Variants in MOV10L1 observed in about 807,000 individuals in gnomAD.
MOV10L1 encodes the protein Mov10 like RNA helicase 1.
Under a neutral mutation model 143.8 loss-of-function variants are expected in MOV10L1, and 110 were observed. The ratio of observed to expected loss-of-function variants is 0.76; its 90% CI spans 0.66 to 0.90. MOV10L1 has a LOEUF of 0.90. Ranked by LOEUF, MOV10L1 falls within the 40% of genes least tolerant of loss-of-function variation. The probability of loss-of-function intolerance (pLI) is 0.00; values close to 1 mark genes in which losing one functional copy is unlikely to be tolerated. For missense variants in MOV10L1, 1,406 were observed against 1,526.8 expected, an observed-to-expected ratio of 0.92 and a Z score of 1.32; for synonymous variants, 593 against 581.1, an observed-to-expected ratio of 1.02 and a Z score of -0.29.
At position 50,108,240 on chromosome 22, in the gene MOV10L1, G is replaced by T; in HGVS notation, c.547G>T (p.Val183Leu). 3 of 1,613,164 alleles carry T rather than the reference G, an allele frequency of 1.9e-6. No homozygotes were observed. Among genetic ancestry groups the T allele is most frequent in the Non-Finnish European group, 2.5e-6 (3 of 1,179,642 alleles). The change falls in exon 4 of 27, where the codon GTG (valine) becomes TTG (leucine). Residue 183 changes from valine (V) to leucine (L), a missense_variant. Physicochemically the swap from Val to Leu is conservative, Grantham distance 32. Coordinates refer to ENST00000262794, the MANE Select transcript of MOV10L1 (RefSeq NM_018995.3). Reference protein sequence around the residue: ...TSVKPLRYKRVDKVCISSLCG... With the variant: ...TSVKPLRYKRLDKVCISSLCG... ...AGTGAAGCCACTGAGATACAAGCGC[G>T]TGGACAAGGTAGCGTGCCGACTAGT...
chr22:50,104,064 G>A (rs531640389), intron 3 of MOV10L1, among the ~76,000 whole-genome samples: 4 of 152,212 alleles, frequency 2.6e-5, no homozygotes, highest in Admixed American at 6.5e-5. Context: ...GTGACAGATC[G>A]TCAGGCATTA....
At chr22:50,140,651 A>G (rs973914532) in intron 15 of MOV10L1, among the ~76,000 whole-genome samples, 2 of 152,342 alleles carry the variant, frequency 1.3e-5, no homozygotes, top group Non-Finnish European at 1.5e-5. Flanking sequence ...TAGGCTGTAT[A>G]TAGTCCATGG....
chr22:50,147,038 TTGA>T lies in MOV10L1; in HGVS notation c.2627+1232_2627+1234del, dbSNP rs140006487. 2,014 of 1,551,052 alleles carry T rather than the reference TTGA, an allele frequency of 1.3e-3. 25 individuals carry two copies. In the African/African-American group the frequency reaches 0.024, roughly 19 times the overall value. ...CAGGGATTTTTTTTGTTAATGTGTG[TTGA>T]TGAGTCAAAGGTCAAGAGCCGAAGA... On this transcript the variant is annotated intron_variant, in intron 19 of 26. Coordinates refer to ENST00000262794, the MANE Select transcript of MOV10L1 (RefSeq NM_018995.3).
At chr22:50,106,574 G>A (rs1343807169) in intron 3 of MOV10L1, among the ~76,000 whole-genome samples, 1 of 151,792 alleles carries the variant, frequency 6.6e-6, no homozygotes, top group African/African-American at 2.4e-5. Context: ...TATGTCCAGG[G>A]AAATTGAGAA....
chr22:50,092,438 C>A (rs1321828852), intron 2 of MOV10L1, among the ~76,000 whole-genome samples: 2 of 152,090 alleles, frequency 1.3e-5, no homozygotes, highest in African/African-American at 4.8e-5. Flanking sequence ...AAGAGACCAG[C>A]CTGGGCAGCA....
chr22:50,153,930 C>T (rs865789313), intron 22 of MOV10L1, among the ~76,000 whole-genome samples: 3 of 152,230 alleles, frequency 2.0e-5, no homozygotes, highest in African/African-American at 4.8e-5. Context: ...TTCCATGCCA[C>T]GGGCCCCGGA....
At chr22:50,093,360 A>T (rs576249783) in intron 2 of MOV10L1, 2 of 152,166 alleles carry the variant, frequency 1.3e-5, no homozygotes, top group East Asian at 3.9e-4. Context: ...ATCATCTTTG[A>T]CTGTGTTTTA....
Position 50,114,485 on chromosome 22 carries a change from C to T in MOV10L1, c.989C>T (p.Pro330Leu), listed in dbSNP as rs1481848979. Residue 330 changes from proline to leucine, a missense_variant, in exon 7 of 27, where the codon CCC becomes CTC. Physicochemically the swap from Pro to Leu is moderately conservative, Grantham distance 98. Coordinates refer to ENST00000262794, the MANE Select transcript of MOV10L1 (RefSeq NM_018995.3). Reference protein sequence around the residue: ...FQMLDKDQMCPVVSFVSVPEK... With the variant: ...FQMLDKDQMCLVVSFVSVPEK... Reference sequence around the variant, plus strand: ...ATGCTGGATAAAGACCAGATGTGCCCCGTGGTATCTTTTGTTTCTGTTCCT... The same window carrying T: ...ATGCTGGATAAAGACCAGATGTGCCTCGTGGTATCTTTTGTTTCTGTTCCT... 1 of 1,614,134 alleles carries T rather than the reference C, an allele frequency of 6.2e-7. No homozygotes were observed. Among genetic ancestry groups the T allele is most frequent in the Non-Finnish European group, 8.5e-7 (1 of 1,180,026 alleles).
rs2063483297 is a variant in MOV10L1 at position 50,158,548 on chromosome 22, AT to A, written c.3216+345del. 1 of 261,804 alleles carries A rather than the reference AT, an allele frequency of 3.8e-6. No individual in the cohort carries two copies. Among genetic ancestry groups the A allele is most frequent in the East Asian group, 1.0e-4 (1 of 9,802 alleles). The allele number at this position is 261,804 out of a possible 1,614,324, so 16.2% of individuals were successfully genotyped here. On this transcript the variant is annotated intron_variant, in intron 23 of 26. Coordinates refer to ENST00000262794, the MANE Select transcript of MOV10L1 (RefSeq NM_018995.3). The surrounding 1 kb of genome is among the most constrained non-coding windows in gnomAD (Gnocchi z 5.0). Reference sequence around the variant, plus strand: ...TTCTCAAAGGGGGCACTTTGGGTATATTTGAATGGGACGCTTCTCATTTCGT... The same window carrying A: ...TTCTCAAAGGGGGCACTTTGGGTATATTGAATGGGACGCTTCTCATTTCGT...
At position 50,110,172 on chromosome 22, in the gene MOV10L1, G is replaced by A. The variant is rs543714343; in HGVS notation, c.743+1328G>A. 2.0e-4 allele frequency among the ~76,000 whole-genome samples: 30 copies of A among 151,834 alleles called. No individual in the cohort carries two copies. The South Asian group carries it at 5.8e-3, about 30-fold the overall frequency. ...TCAAAAAAAAGAAGACTGTCTTGCCGGGCGCGGTGGCTCACGCCCGTAATA... is the reference window on the plus strand; with the variant it reads ...TCAAAAAAAAGAAGACTGTCTTGCCAGGCGCGGTGGCTCACGCCCGTAATA... On this transcript the variant is annotated intron_variant, in intron 5 of 26. Transcript: ENST00000262794.
intron 13 of MOV10L1, among the ~76,000 whole-genome samples, chr22:50,129,429 T>G (rs530107155): frequency 6.6e-6 from 1 of 152,342 alleles, no homozygotes; most frequent in South Asian, 2.1e-4. Context: ...GAGTCGAGAT[T>G]TTCACTAAAC....
intron 6 of MOV10L1, among the ~76,000 whole-genome samples, 185 bp from the exon 7 acceptor site, chr22:50,114,196 C>T (rs774508867): frequency 2.0e-5 from 3 of 152,216 alleles, no homozygotes; most frequent in East Asian, 1.9e-4. Flanking sequence ...GGACTACAGG[C>T]GTGAGACACC....
intron 15 of MOV10L1, among the ~76,000 whole-genome samples, chr22:50,135,253 C>G (rs2062791273): frequency 6.6e-6 from 1 of 151,750 alleles, no homozygotes; most frequent in African/African-American, 2.4e-5. Context: ...ATCTTGTGAT[C>G]CACCCTCCTC....
chr22:50,114,941 A>G (rs2062129282), intron 7 of MOV10L1, among the ~76,000 whole-genome samples, 173 bp from the exon 8 acceptor site: 1 of 152,172 alleles, frequency 6.6e-6, no homozygotes, highest in Admixed American at 6.5e-5. Context: ...TCCTACTTCC[A>G]GCTGCTCTCT....
At chr22:50,095,873 A>G (rs2147017107) in intron 2 of MOV10L1, 2 of 152,216 alleles carry the variant, frequency 1.3e-5, no homozygotes, top group Admixed American at 1.3e-4. Context: ...GGATTTTTCA[A>G]GTACTTTTCA....
chr22:50,092,630 C>T (rs2062481564), intron 2 of MOV10L1: 1 of 158,990 alleles, frequency 6.3e-6, no homozygotes, highest in Admixed American at 6.0e-5. Flanking sequence ...AGAGCAAGAC[C>T]CTGTCTCAAT....
In MOV10L1 at chr22:50,096,192, A is replaced by AGAGAAC. The variant is rs1231425365; in HGVS notation, c.283-3251_283-3250insGAGAAC. 3 of 152,200 alleles carry AGAGAAC rather than the reference A, an allele frequency of 2.0e-5. No individual in the cohort carries two copies. In the East Asian group the frequency reaches 5.8e-4, roughly 29 times the overall value. The allele number at this position is 152,200 out of a possible 1,614,324, so 9.4% of individuals were successfully genotyped here. On this transcript the variant is annotated intron_variant, in intron 2 of 26. Transcript: ENST00000262794. Reference sequence around the variant, plus strand: ...CCCAGTAGACACTCTGTACCCATTAAACAGTTATTCAGTGTTCTACTTTAT... The same window carrying AGAGAAC: ...CCCAGTAGACACTCTGTACCCATTAAGAGAACACAGTTATTCAGTGTTCTACTTTAT...
At chr22:50,160,475 G>A (rs1434322039) in intron 24 of MOV10L1, among the ~76,000 whole-genome samples, 4 of 151,262 alleles carry the variant, frequency 2.6e-5, no homozygotes, top group Non-Finnish European at 4.4e-5. Context: ...AGATGGTCTC[G>A]ATCTCCTGAC....
chr22:50,140,449 C>A (rs2062948586), intron 15 of MOV10L1, among the ~76,000 whole-genome samples: 1 of 152,142 alleles, frequency 6.6e-6, no homozygotes, highest in Admixed American at 6.5e-5. Flanking sequence ...ATAGGCATAA[C>A]CTTCTAGACC....
Sources: allele counts gnomAD v4.1 joint callset (sites outside exome capture counted in the v4.1 genomes callset), GRCh38; gene constraint gnomAD v4.1.1; non-coding constraint Gnocchi (gnomAD v3.1); transcripts MANE v1.5; gene names NCBI Gene and HGNC (gene_info 2026-07-23, HGNC 2026-07-21).